The following THSD7B variants were observed in gnomAD, a reference collection of about 807,000 sequenced individuals.
THSD7B encodes the protein thrombospondin type 1 domain containing 7B, also known as thrombospondin type-1 domain-containing protein 7B.
THSD7B carries 138 observed loss-of-function variants against 213.6 expected under a neutral mutation model. That is an observed-to-expected ratio of 0.65 (90% CI 0.56 to 0.74). The LOEUF is 0.74. Ranked by LOEUF, THSD7B falls within the 30% of genes least tolerant of loss-of-function variation. The pLI, the probability that THSD7B is intolerant of heterozygous loss-of-function variation, is 0.00. For synonymous variants in THSD7B, 742 were observed against 687.0 expected, an observed-to-expected ratio of 1.08 and a Z score of -1.25; for missense variants, 1,931 against 1,991.5, an observed-to-expected ratio of 0.97 and a Z score of 0.58.
intron 15 of THSD7B, among the ~76,000 whole-genome samples, chr2:137,503,546 G>T (rs1011118744): frequency 3.3e-5 from 5 of 152,142 alleles, no homozygotes. Flanking sequence ...TTCATGAGAA[G>T]AATATCAAGT....
At chr2:137,426,274 A>G (rs1687052930) in intron 14 of THSD7B, among the ~76,000 whole-genome samples, 1 of 152,166 alleles carries the variant, frequency 6.6e-6, no homozygotes, top group Non-Finnish European at 1.5e-5. Flanking sequence ...TACAGACTCA[A>G]TGCAACCCTT....
chr2:137,005,701 A>G (rs1432240), intron 2 of THSD7B, among the ~76,000 whole-genome samples: 89,322 of 152,112 alleles, frequency 0.59, 28,851 homozygotes, highest in East Asian at 0.9. Flanking sequence ...AGGAAGAAAA[A>G]CTTATTTTTT....
intron 6 of THSD7B, among the ~76,000 whole-genome samples, chr2:137,165,381 A>T (rs1231642850): frequency 1.3e-5 from 2 of 152,208 alleles, no homozygotes; most frequent in Non-Finnish European, 2.9e-5. Flanking sequence ...TGAAGAATAG[A>T]GTTTTCCCTC....
intron 1 of THSD7B, among the ~76,000 whole-genome samples, chr2:136,784,543 A>G (rs1168604235): frequency 8.1e-6 from 1 of 123,728 alleles, no homozygotes; most frequent in Non-Finnish European, 1.7e-5. Flanking sequence ...CTGTTAAATT[A>G]TTGATGAATT....
At chr2:137,312,116 G>C (rs1199179785) in intron 12 of THSD7B, among the ~76,000 whole-genome samples, 1 of 151,386 alleles carries the variant, frequency 6.6e-6, no homozygotes, top group Non-Finnish European at 1.5e-5. Context: ...GTAGAATTCG[G>C]CTGTGAATCC....
At chr2:136,847,092 A>G (rs1683023586) in intron 1 of THSD7B, among the ~76,000 whole-genome samples, 1 of 152,176 alleles carries the variant, frequency 6.6e-6, no homozygotes, top group Admixed American at 6.5e-5. Flanking sequence ...TTGTGAACAC[A>G]TCTTCATTTG....
intron 12 of THSD7B, among the ~76,000 whole-genome samples, chr2:137,283,554 T>C (rs1683089074): frequency 6.6e-6 from 1 of 152,220 alleles, no homozygotes; most frequent in Non-Finnish European, 1.5e-5. Flanking sequence ...ATAGCTCTTA[T>C]TATTTTGAGA....
Position 136,863,735 on chromosome 2 carries a change from C to G in THSD7B, c.-35-18409C>G, listed in dbSNP as rs1248388223. On this transcript the variant is annotated intron_variant, in intron 1 of 27. Coordinates refer to ENST00000409968, the MANE Select transcript of THSD7B (RefSeq NM_001316349.2). ...AACTATTAGAGGTAGAAAAGCTGTG[C>G]AGAGAGGAGTAGATATTTCTGTGTT... Among the ~76,000 whole-genome samples the G allele has an allele frequency of 3.0e-5, 3 of 100,034 alleles. No homozygotes were observed. In the East Asian group the frequency reaches 9.9e-4, roughly 33 times the overall value. 65.6% of individuals were successfully genotyped at this position (100,034 alleles called of 152,430 possible).
chr2:137,229,016 G>A (rs921808914), intron 7 of THSD7B, among the ~76,000 whole-genome samples: 8 of 152,044 alleles, frequency 5.3e-5, no homozygotes, highest in African/African-American at 1.9e-4. Context: ...TGTGGCCCTC[G>A]ATCAAATACA....
At position 137,311,512 on chromosome 2, in the gene THSD7B, A is replaced by G. The variant is rs562913465; in HGVS notation, c.2500+35486A>G. 2.0e-5 allele frequency among the ~76,000 whole-genome samples: 3 copies of G among 151,908 alleles called. 1 individual carries two copies. The highest frequency in any genetic ancestry group is 4.4e-5 in the Non-Finnish European group (3 of 68,000). On this transcript the variant is annotated intron_variant, in intron 12 of 27. Transcript: ENST00000409968. ...TACCCTTTATTTCCTTCTCCTCCCTAATTGCCCTGAACAGAACTTCCAACA... is the reference window on the plus strand; with the variant it reads ...TACCCTTTATTTCCTTCTCCTCCCTGATTGCCCTGAACAGAACTTCCAACA...
intron 15 of THSD7B, among the ~76,000 whole-genome samples, chr2:137,511,106 A>AT (rs1679954307): frequency 6.6e-6 from 1 of 151,988 alleles, no homozygotes; most frequent in South Asian, 2.1e-4. Flanking sequence ...TATCTTAAAC[A>AT]TTTTTTCCTC....
intron 2 of THSD7B, among the ~76,000 whole-genome samples, chr2:136,944,943 G>C (rs1684907885): frequency 6.6e-6 from 1 of 152,092 alleles, no homozygotes; most frequent in East Asian, 1.9e-4. Flanking sequence ...GATGTTAGCT[G>C]GTTATTTTGC....
chr2:136,928,983 A>G (rs1228975996), intron 2 of THSD7B, among the ~76,000 whole-genome samples: 2 of 152,240 alleles, frequency 1.3e-5, no homozygotes, highest in South Asian at 2.1e-4. Context: ...AACAGAAATG[A>G]AATTTGAAGA....
intron 15 of THSD7B, among the ~76,000 whole-genome samples, chr2:137,499,136 C>T (rs763910596): frequency 3.9e-5 from 6 of 152,068 alleles, no homozygotes; most frequent in East Asian, 3.9e-4. Flanking sequence ...GTGTGGTAGT[C>T]GCCTGTAAGT....
chr2:137,263,358 T>C (rs974806370), intron 10 of THSD7B, among the ~76,000 whole-genome samples: 1 of 152,168 alleles, frequency 6.6e-6, no homozygotes, highest in African/African-American at 2.4e-5. Context: ...GTCCTGTGAA[T>C]TGTCTCAGCA....
intron 14 of THSD7B, among the ~76,000 whole-genome samples, chr2:137,444,000 A>T (rs1324302469): frequency 6.6e-6 from 1 of 152,176 alleles, no homozygotes; most frequent in South Asian, 2.1e-4. Context: ...AATATTTAAC[A>T]TTATTTTGTC....
At chr2:137,167,148 G>A (rs1196407953) in intron 6 of THSD7B, among the ~76,000 whole-genome samples, 1 of 151,696 alleles carries the variant, frequency 6.6e-6, no homozygotes, top group Non-Finnish European at 1.5e-5. Flanking sequence ...CTTCTGTCCT[G>A]TTTGTTTAAC....
chr2:137,558,000 A>C (rs1302634158), intron 15 of THSD7B, among the ~76,000 whole-genome samples: 10 of 152,216 alleles, frequency 6.6e-5, no homozygotes, highest in Admixed American at 6.5e-4. Context: ...ATACCCTCCC[A>C]AGACTAAACC....
At chr2:137,560,119 T>C (rs938461146) in intron 15 of THSD7B, among the ~76,000 whole-genome samples, 1 of 147,366 alleles carries the variant, frequency 6.8e-6, no homozygotes. Flanking sequence ...GGTGGGACTG[T>C]AAACTGGTTC....
Sources: gnomAD v4.1 joint callset for allele counts (sites outside exome capture counted in the v4.1 genomes callset) on GRCh38, gnomAD v4.1.1 for gene constraint, MANE v1.5 for transcripts, NCBI Gene and HGNC (gene_info 2026-07-23, HGNC 2026-07-21) for gene names.